The following NRXN3 variants were observed in gnomAD, a reference collection of about 807,000 sequenced individuals.
The protein encoded by NRXN3 is neurexin 3.
Under a neutral mutation model 137.6 loss-of-function variants are expected in NRXN3, and 32 were observed. The observed-to-expected ratio is 0.23, with a 90% confidence interval of 0.18 to 0.31. NRXN3 has a LOEUF of 0.31. Among genes scored for constraint, NRXN3 ranks in the 10% least tolerant of loss-of-function variants. The pLI is 1.00. For synonymous variants in NRXN3, 798 were observed against 784.5 expected, an observed-to-expected ratio of 1.02 and a Z score of -0.29; for missense variants, 1,574 against 2,062.5, an observed-to-expected ratio of 0.76 and a Z score of 4.59.
intron 10 of NRXN3, among the ~76,000 whole-genome samples, chr14:78,848,323 C>T (rs2152473153): frequency 6.6e-6 from 1 of 152,168 alleles, no homozygotes; most frequent in South Asian, 2.1e-4. Context: ...ACACAGGTGG[C>T]ATGGATGAAG....
At chr14:78,773,889 C>T (rs1345994986) in intron 8 of NRXN3, among the ~76,000 whole-genome samples, 1 of 152,116 alleles carries the variant, frequency 6.6e-6, no homozygotes, top group African/African-American at 2.4e-5. Context: ...GCAACCTCCG[C>T]CTCCCGGGTT....
At chr14:79,729,474 G>A (rs1603451233) in intron 19 of NRXN3, among the ~76,000 whole-genome samples, 1 of 152,104 alleles carries the variant, frequency 6.6e-6, no homozygotes. Context: ...CTAGTTGGAT[G>A]GCCATATACC....
chr14:79,763,468 A>G (rs2139493443), intron 19 of NRXN3, among the ~76,000 whole-genome samples: 1 of 87,506 alleles, frequency 1.1e-5, no homozygotes, highest in African/African-American at 4.1e-5. Flanking sequence ...GACAGGTTGC[A>G]TAAAACTGAC....
intron 15 of NRXN3, among the ~76,000 whole-genome samples, chr14:79,244,492 A>G (rs374505944): frequency 1.3e-5 from 2 of 152,118 alleles, no homozygotes; most frequent in Non-Finnish European, 1.5e-5. Flanking sequence ...CAAATTTGGC[A>G]TATTGGTGGG....
chr14:79,178,120 G>A (rs2062540735), intron 15 of NRXN3, among the ~76,000 whole-genome samples: 1 of 152,204 alleles, frequency 6.6e-6, no homozygotes, highest in Non-Finnish European at 1.5e-5. Flanking sequence ...AGCTAGCCCA[G>A]ATGGCTGGGC....
chr14:78,228,174 T>C lies in NRXN3; in HGVS notation c.-703-14217T>C, dbSNP rs58579567. On this transcript the variant is annotated intron_variant, in intron 1 of 20. Coordinates refer to ENST00000335750, the MANE Select transcript of NRXN3 (RefSeq NM_001330195.2). Reference sequence around the variant, plus strand: ...TTTTCTTTCTTTTTTTTTTTTTTTTTTGAGACAGAGTCTCACTCTGTCGCC... The same window carrying C: ...TTTTCTTTCTTTTTTTTTTTTTTTTCTGAGACAGAGTCTCACTCTGTCGCC... Among the ~76,000 whole-genome samples, 601 of 150,826 alleles carry C rather than the reference T, an allele frequency of 4.0e-3. 24 individuals are homozygous for C. The East Asian group carries it at 0.1, about 26-fold the overall frequency.
At chr14:79,699,713 A>G (rs540714740) in intron 19 of NRXN3, among the ~76,000 whole-genome samples, 50 of 152,048 alleles carry the variant, frequency 3.3e-4, no homozygotes, top group Non-Finnish European at 4.9e-4. Flanking sequence ...ACCTATGGCC[A>G]TTTTAGAGGA....
chr14:79,633,946 A>G (rs1334158889), intron 16 of NRXN3, among the ~76,000 whole-genome samples: 1 of 151,886 alleles, frequency 6.6e-6, no homozygotes, highest in Admixed American at 6.6e-5. Context: ...AGCACCTTCA[A>G]CTCTATCCAG....
intron 15 of NRXN3, among the ~76,000 whole-genome samples, chr14:79,230,736 C>A (rs1000929672): frequency 6.6e-6 from 1 of 152,144 alleles, no homozygotes; most frequent in Non-Finnish European, 1.5e-5. Context: ...TTCTCCCTGG[C>A]AGGTACAGGT....
chr14:79,636,757 A>G (rs1316248597), intron 16 of NRXN3, among the ~76,000 whole-genome samples: 2 of 152,174 alleles, frequency 1.3e-5, no homozygotes, highest in Non-Finnish European at 2.9e-5. Flanking sequence ...CCATCACTGC[A>G]AAGGGAGAAA....
intron 15 of NRXN3, among the ~76,000 whole-genome samples, chr14:79,011,414 T>C (rs1416695057): frequency 4.1e-5 from 1 of 24,252 alleles, no homozygotes; most frequent in African/African-American, 2.7e-4. Context: ...ACCCCATACC[T>C]AGATGTTGGT....
At chr14:78,740,930 A>G (rs2098566355) in intron 8 of NRXN3, among the ~76,000 whole-genome samples, 6 of 152,196 alleles carry the variant, frequency 3.9e-5, no homozygotes. Context: ...TTAAAAGAAA[A>G]TAGCTCTGTG....
chr14:78,684,966 G>T (rs1314391863), intron 6 of NRXN3, among the ~76,000 whole-genome samples: 1 of 152,114 alleles, frequency 6.6e-6, no homozygotes, highest in Non-Finnish European at 1.5e-5. Context: ...TTACTTGTTT[G>T]TGCCTAATGT....
At chr14:79,337,570 TTCATGTGTTATAATG>T (rs1246451141) in intron 15 of NRXN3, among the ~76,000 whole-genome samples, 3 of 152,178 alleles carry the variant, frequency 2.0e-5, no homozygotes, top group African/African-American at 7.2e-5. Flanking sequence ...TTTCCAAAAT[TTCATGTGTTATAATG>T]GAATGATGTT....
chr14:79,663,674 C>G (rs2098545078), intron 16 of NRXN3, 104 bp from the exon 17 acceptor site: 1 of 851,038 alleles, frequency 1.2e-6, no homozygotes, highest in Admixed American at 2.6e-5. Context: ...GCTGACAGCT[C>G]CCTCTGGGCA....
chr14:79,660,920 A>G (rs1488456596), intron 16 of NRXN3, among the ~76,000 whole-genome samples: 1 of 152,230 alleles, frequency 6.6e-6, no homozygotes, highest in Non-Finnish European at 1.5e-5. Flanking sequence ...TATGGCTCAC[A>G]TTATTACAGC....
intron 16 of NRXN3, among the ~76,000 whole-genome samples, chr14:79,536,612 C>T (rs2097213612): frequency 6.6e-6 from 1 of 152,026 alleles, no homozygotes; most frequent in Admixed American, 6.6e-5. Context: ...GCTCTCTCTC[C>T]TTCTACTCCC....
At chr14:79,354,774 G>A (rs1208712382) in intron 15 of NRXN3, among the ~76,000 whole-genome samples, 1 of 152,160 alleles carries the variant, frequency 6.6e-6, no homozygotes, top group Non-Finnish European at 1.5e-5. Context: ...ACTCCAAAAT[G>A]CCCTCACTTA....
chr14:78,880,956 A>G (rs964571972), intron 10 of NRXN3, among the ~76,000 whole-genome samples: 1 of 152,192 alleles, frequency 6.6e-6, no homozygotes, highest in African/African-American at 2.4e-5. Flanking sequence ...GGACCCAGTG[A>G]GAAGTAATTA....
Sources: allele counts gnomAD v4.1 joint callset (sites outside exome capture counted in the v4.1 genomes callset), GRCh38; gene constraint gnomAD v4.1.1; transcripts MANE v1.5; gene names NCBI Gene and HGNC (gene_info 2026-07-23, HGNC 2026-07-21).